The following STARD13 variants were observed in gnomAD, a reference collection of about 807,000 sequenced individuals.
STARD13 encodes the protein StAR related lipid transfer domain containing 13, also known as stAR-related lipid transfer protein 13.
STARD13 carries 62 observed loss-of-function variants against 106.4 expected under a neutral mutation model. That is an observed-to-expected ratio of 0.58 (90% CI 0.48 to 0.72). The LOEUF is 0.72. Ranked by LOEUF, STARD13 falls within the 30% of genes least tolerant of loss-of-function variation. The pLI is 0.00. For missense variants in STARD13, 1,387 were observed against 1,424.0 expected (o/e 0.97, Z 0.42); for synonymous variants, 565 against 553.0 (o/e 1.02, Z -0.31).
chr13:33,361,084 C>T, the STARD13 span, among the ~76,000 whole-genome samples: 5 of 150,830 alleles, frequency 3.3e-5, no homozygotes, highest in East Asian at 4.0e-4. Flanking sequence ...GGATTACAGG[C>T]GTGAACCACC....
chr13:33,311,970 T>C (rs763518932), intron 1 of STARD13, among the ~76,000 whole-genome samples: 3 of 152,194 alleles, frequency 2.0e-5, no homozygotes, highest in Non-Finnish European at 4.4e-5. Context: ...AAACACTTAA[T>C]GCTGTTTCTA....
intron 1 of STARD13, among the ~76,000 whole-genome samples, chr13:33,302,497 C>G (rs1284144996): frequency 6.6e-6 from 1 of 152,114 alleles, no homozygotes; most frequent in Non-Finnish European, 1.5e-5. Flanking sequence ...CTCACTGAAG[C>G]CTTGACCTCC....
chr13:33,414,245 C>T, the STARD13 span, among the ~76,000 whole-genome samples: 1 of 152,092 alleles, frequency 6.6e-6, no homozygotes, highest in African/African-American at 2.4e-5. Context: ...TAAAATAGTA[C>T]AGTCAATCTG....
chr13:33,533,369 CTA>C, the STARD13 span, among the ~76,000 whole-genome samples: 1 of 152,116 alleles, frequency 6.6e-6, no homozygotes, highest in East Asian at 1.9e-4. Context: ...GATTATGAAG[CTA>C]TGTGATTATA....
intron 1 of STARD13, among the ~76,000 whole-genome samples, chr13:33,227,100 C>A (rs1463634839): frequency 6.6e-6 from 1 of 152,234 alleles, no homozygotes; most frequent in African/African-American, 2.4e-5. Context: ...CTTTAAATGG[C>A]CATAACAAAA....
rs73478182 is a variant in STARD13, at chr13:33,319,564, G to A, written c.124+30726C>T. ...TCTAAAAATTTATTTTAAAATGAATGTGATTTTAACAGTAAGTTAAATTAT... is the reference window on the plus strand; with the variant it reads ...TCTAAAAATTTATTTTAAAATGAATATGATTTTAACAGTAAGTTAAATTAT... On this transcript the variant is annotated intron_variant, in intron 1 of 5. Coordinates refer to the STARD13 transcript ENST00000567873. Among the ~76,000 whole-genome samples the A allele has an allele frequency of 2.3e-3, 354 of 152,282 alleles. 4 individuals are homozygous for A. Among genetic ancestry groups the A allele is most frequent in the African/African-American group, 8.0e-3 (334 of 41,552 alleles).
At chr13:33,621,845 T>C in the STARD13 span, among the ~76,000 whole-genome samples, 1 of 151,092 alleles carries the variant, frequency 6.6e-6, no homozygotes, top group Non-Finnish European at 1.5e-5. Context: ...GCTCTTGTCA[T>C]CCAGGCTGGA....
chr13:33,454,791 C>A, the STARD13 span, among the ~76,000 whole-genome samples: 1 of 152,134 alleles, frequency 6.6e-6, no homozygotes, highest in African/African-American at 2.4e-5. Flanking sequence ...TGAAGGGGAG[C>A]AAGGCCAGAT....
chr13:33,522,906 CT>C, the STARD13 span, among the ~76,000 whole-genome samples: 1 of 152,140 alleles, frequency 6.6e-6, no homozygotes, highest in Non-Finnish European at 1.5e-5. Context: ...GTAGTAATGC[CT>C]TGCAGGGCTG....
chr13:33,422,065 T>C, the STARD13 span, among the ~76,000 whole-genome samples: 6 of 152,156 alleles, frequency 3.9e-5, no homozygotes, highest in African/African-American at 1.4e-4. Flanking sequence ...TCACCATTCC[T>C]ATTCAACACA....
chr13:33,499,612 T>TCTTCTTC, the STARD13 span, among the ~76,000 whole-genome samples: 7 of 79,202 alleles, frequency 8.8e-5, no homozygotes, highest in Non-Finnish European at 1.8e-4. Flanking sequence ...TCTTTCTTCT[T>TCTTCTTC]CTTCTTCTTC....
chr13:33,381,060 AC>A, the STARD13 span, among the ~76,000 whole-genome samples: 3 of 152,294 alleles, frequency 2.0e-5, no homozygotes, highest in East Asian at 5.8e-4. Context: ...ATTTTAGATC[AC>A]CTCTACGAGT....
At position 33,137,927 on chromosome 13, in the gene STARD13, G is replaced by C. The variant is rs918180619; in HGVS notation, c.387+4383C>G. Among the ~76,000 whole-genome samples the C allele has an allele frequency of 2.0e-5, 3 of 152,146 alleles. 1 individual carries two copies. The highest frequency in any genetic ancestry group is 7.2e-5 in the African/African-American group (3 of 41,442). ...GGGGTGTGCAAGGGAGTGGGAAGTA[G>C]GGGTGGGTGGGGGGCCAGGCCCCTT... is the stretch of plus-strand genomic sequence containing the variant. On this transcript the variant is annotated intron_variant, in intron 4 of 13. Transcript: ENST00000336934.
chr13:33,109,813 A>G (rs2138063779), intron 12 of STARD13, 60 bp downstream of exon 12: 2 of 1,529,968 alleles, frequency 1.3e-6, no homozygotes, highest in African/African-American at 1.4e-5. Context: ...AAGTGCTCAC[A>G]TCTACAGTTC....
At chr13:33,411,987 G>T in the STARD13 span, among the ~76,000 whole-genome samples, 1 of 152,080 alleles carries the variant, frequency 6.6e-6, no homozygotes, top group South Asian at 2.1e-4. Context: ...AAACAGAAAG[G>T]AATAGTGAAA....
rs947662311 is a variant in STARD13, at chr13:33,298,430, C to T, written c.124+51860G>A. Among the ~76,000 whole-genome samples the T allele has an allele frequency of 4.0e-5, 6 of 151,766 alleles. No individual in the cohort carries two copies. The South Asian group carries it at 1.0e-3, about 26-fold the overall frequency. ...GGGATTACAGGCGTGAGCCACTGTG[C>T]CCAATCCCCATCTACACTTAATGCC... On this transcript the variant is annotated intron_variant, in intron 1 of 5. Coordinates refer to the STARD13 transcript ENST00000567873.
chr13:33,670,395 C>T, the STARD13 span, among the ~76,000 whole-genome samples: 5 of 152,126 alleles, frequency 3.3e-5, no homozygotes, highest in East Asian at 1.9e-4. Flanking sequence ...CCAAAGATCG[C>T]GTTGCATTTT....
intron 1 of STARD13, among the ~76,000 whole-genome samples, chr13:33,207,628 A>G (rs3809382): frequency 0.33 from 50,051 of 152,008 alleles, 8,476 homozygotes; most frequent in Admixed American, 0.4. Context: ...TTCTACACTC[A>G]CCCCTCAACT....
At chr13:33,113,383 C>T (rs1030404376) in intron 8 of STARD13, among the ~76,000 whole-genome samples, 2 of 152,188 alleles carry the variant, frequency 1.3e-5, no homozygotes, top group Non-Finnish European at 1.5e-5. Context: ...TTGAAAACCA[C>T]TGGGTTAGGG....
Sources: gnomAD v4.1 joint callset for allele counts (sites outside exome capture counted in the v4.1 genomes callset) on GRCh38, gnomAD v4.1.1 for gene constraint, MANE v1.5 for transcripts, NCBI Gene and HGNC (gene_info 2026-07-23, HGNC 2026-07-21) for gene names.